EXOC2: variants seen among roughly 807,000 people sequenced by gnomAD.
EXOC2 encodes SEC5-like 1.
EXOC2 carries 70 observed loss-of-function variants against 131.8 expected under a neutral mutation model. That is an observed-to-expected ratio of 0.53 (90% confidence interval 0.44 to 0.65). The LOEUF (loss-of-function observed/expected upper bound fraction) is 0.65, where lower values mean the gene tolerates loss of function less well. Ranked by LOEUF, EXOC2 falls within the 30% of genes least tolerant of loss-of-function variation. EXOC2 has a pLI of 0.00. For missense variants in EXOC2, 923 were observed against 1,108.6 expected, an observed-to-expected ratio of 0.83 and a Z score of 2.38; for synonymous variants, 411 against 398.4, an observed-to-expected ratio of 1.03 and a Z score of -0.38.
At chr6:590,186 G>A (rs1163155900) in intron 11 of EXOC2, among the ~76,000 whole-genome samples, 1 of 151,630 alleles carries the variant, frequency 6.6e-6, no homozygotes, top group Non-Finnish European at 1.5e-5. Flanking sequence ...GAACAGAGTA[G>A]ACTCAAAAAT....
At position 653,965 on chromosome 6, in the gene EXOC2, G is replaced by A. The variant is rs1244212571; in HGVS notation, c.-43-16104C>T. Reference sequence around the variant, plus strand: ...TTAAGAATTATGATAAATCTACTCTGCCTGTGTTCTATCAATAGAACAACA... The same window carrying A: ...TTAAGAATTATGATAAATCTACTCTACCTGTGTTCTATCAATAGAACAACA... On this transcript the variant is annotated intron_variant, in intron 1 of 27. Transcript: ENST00000230449. 2.0e-5 allele frequency among the ~76,000 whole-genome samples: 3 copies of A among 152,290 alleles called. No individual in the cohort carries two copies. In the East Asian group the frequency reaches 5.8e-4, roughly 29 times the overall value.
At chr6:653,909 C>T (rs1762941647) in intron 1 of EXOC2, among the ~76,000 whole-genome samples, 1 of 152,204 alleles carries the variant, frequency 6.6e-6, no homozygotes, top group African/African-American at 2.4e-5. Flanking sequence ...GAAGCCAATG[C>T]TCACTTACCA....
At chr6:633,310 T>C (rs1204263258) in intron 2 of EXOC2, among the ~76,000 whole-genome samples, 193 bp from the exon 3 acceptor site, 1 of 152,220 alleles carries the variant, frequency 6.6e-6, no homozygotes, top group African/African-American at 2.4e-5. Context: ...TATTTAAGAC[T>C]TCTTTTAGGC....
intron 23 of EXOC2, among the ~76,000 whole-genome samples, chr6:531,885 C>G (rs1029510761): frequency 2.0e-5 from 3 of 152,208 alleles, no homozygotes; most frequent in Non-Finnish European, 4.4e-5. Context: ...TTACTTGATT[C>G]AGAAAGCAAT....
At chr6:643,093 T>C (rs1461174962) in intron 1 of EXOC2, among the ~76,000 whole-genome samples, 1 of 152,150 alleles carries the variant, frequency 6.6e-6, no homozygotes, top group African/African-American at 2.4e-5. Context: ...TGTATACACC[T>C]AATACAAGAG....
At chr6:589,326 G>A (rs1160714308) in intron 11 of EXOC2, among the ~76,000 whole-genome samples, 1 of 150,886 alleles carries the variant, frequency 6.6e-6, no homozygotes, top group African/African-American at 2.4e-5. Flanking sequence ...TGACTGTCGA[G>A]CACCTGCACG....
intron 23 of EXOC2, among the ~76,000 whole-genome samples, chr6:505,365 T>C (rs1764481201): frequency 1.3e-5 from 2 of 152,186 alleles, no homozygotes; most frequent in Admixed American, 6.5e-5. Context: ...ATCTGAGCCG[T>C]GGCCTGAGCG....
chr6:531,176 A>G (rs890735274), intron 23 of EXOC2, among the ~76,000 whole-genome samples: 1 of 152,176 alleles, frequency 6.6e-6, no homozygotes, highest in African/African-American at 2.4e-5. Flanking sequence ...GCTTTTCAAA[A>G]AGGCAGAGGT....
At position 666,864 on chromosome 6, in the gene EXOC2, GTTC is replaced by G. The variant is rs1763657560; in HGVS notation, c.-44+26152_-44+26154del. On this transcript the variant is annotated intron_variant, in intron 1 of 27. Coordinates refer to ENST00000230449, the MANE Select transcript of EXOC2 (RefSeq NM_018303.6). ...CCTCTTCTCTTAGCATGGCAATTAT[GTTC>G]TTTTTTTTTTAATTTTTTTTTCAGT... Among the ~76,000 whole-genome samples, 2 of 92,726 alleles carry G rather than the reference GTTC, an allele frequency of 2.2e-5. 1 individual carries two copies. The highest frequency in any genetic ancestry group is 1.2e-3 in the East Asian group (2 of 1,706). The allele number at this position is 92,726 out of a possible 152,430, so 60.8% of individuals were successfully genotyped here.
chr6:692,749 C>G (rs1764995530), intron 1 of EXOC2, among the ~76,000 whole-genome samples: 1 of 151,934 alleles, frequency 6.6e-6, no homozygotes, highest in Admixed American at 6.5e-5. Flanking sequence ...CTGCAGCCCA[C>G]GCCCCTCACC....
chr6:672,611 C>T (rs1229945923), intron 1 of EXOC2, among the ~76,000 whole-genome samples: 1 of 152,192 alleles, frequency 6.6e-6, no homozygotes, highest in Non-Finnish European at 1.5e-5. Context: ...TGTTGTCTCT[C>T]CCATTTAGGG....
chr6:487,648 G>A (rs894065021), intron 27 of EXOC2, among the ~76,000 whole-genome samples: 2 of 151,970 alleles, frequency 1.3e-5, no homozygotes, highest in East Asian at 3.9e-4. Context: ...GTCGTGATCC[G>A]CCCACCTCAG....
At chr6:495,273 C>T (rs942274064) in intron 25 of EXOC2, among the ~76,000 whole-genome samples, 1 of 151,914 alleles carries the variant, frequency 6.6e-6, no homozygotes, top group African/African-American at 2.4e-5. Flanking sequence ...CTACAGGCGC[C>T]CGCCACCGCG....
rs982990686 is a variant in EXOC2 at position 532,464 on chromosome 6, C to T, written c.2380+5G>A. ...ATCTATTACTCAAGAAACTTTATTA[C>T]TTACCTGTTGGAGGCAGGCAGTCCT... is the stretch of plus-strand genomic sequence containing the variant. On this transcript the variant is annotated splice_donor_5th_base_variant and intron_variant, in intron 23 of 27. Transcript: ENST00000230449. 1.3e-6 allele frequency: 2 copies of T among 1,571,346 alleles called. No individual in the cohort carries two copies. The highest frequency in any genetic ancestry group is 1.7e-6 in the Non-Finnish European group (2 of 1,164,822).
At chr6:515,243 C>T (rs1765078707) in intron 23 of EXOC2, among the ~76,000 whole-genome samples, 1 of 152,182 alleles carries the variant, frequency 6.6e-6, no homozygotes. Flanking sequence ...TCCACCTCAC[C>T]CTACCCCAGA....
At chr6:651,393 C>T (rs1178643004) in intron 1 of EXOC2, among the ~76,000 whole-genome samples, 1 of 152,006 alleles carries the variant, frequency 6.6e-6, no homozygotes, top group African/African-American at 2.4e-5. Flanking sequence ...GTGGCTGATG[C>T]TTGTAATCCC....
At chr6:627,602 TGA>T (rs913414717) in intron 4 of EXOC2, among the ~76,000 whole-genome samples, 4 of 152,194 alleles carry the variant, frequency 2.6e-5, no homozygotes, top group African/African-American at 9.6e-5. Context: ...GCACATCAGG[TGA>T]GGATACCACT....
chr6:678,870 A>G (rs1406689459), intron 1 of EXOC2, among the ~76,000 whole-genome samples: 1 of 152,242 alleles, frequency 6.6e-6, no homozygotes, highest in Non-Finnish European at 1.5e-5. Context: ...AATTTTTAGC[A>G]TATTAACTCC....
At chr6:495,641 G>A (rs925992821) in intron 25 of EXOC2, among the ~76,000 whole-genome samples, 12 of 152,134 alleles carry the variant, frequency 7.9e-5, no homozygotes, top group African/African-American at 1.7e-4. Flanking sequence ...TTGCTGCATC[G>A]CGTCCTCGAT....
Sources: allele counts gnomAD v4.1 joint callset (sites outside exome capture counted in the v4.1 genomes callset), GRCh38; gene constraint gnomAD v4.1.1; transcripts MANE v1.5; gene names NCBI Gene and HGNC (gene_info 2026-07-23, HGNC 2026-07-21).